Variants in RAB10 observed in about 807,000 individuals in gnomAD.
RAB10 encodes the protein ras-related protein Rab-10.
Under a neutral mutation model 25.7 loss-of-function variants are expected in RAB10, and 5 were observed. That is an observed-to-expected ratio of 0.19 (90% confidence interval 0.10 to 0.41). RAB10 has a LOEUF of 0.41. Among genes scored for constraint, RAB10 ranks in the 10% least tolerant of loss-of-function variants. The pLI is 1.00. For synonymous variants in RAB10, 89 were observed against 86.4 expected (o/e 1.03, Z -0.16); for missense variants, 103 against 245.8 (o/e 0.42, Z 3.89).
chr2:26,093,268 G>A (rs1667146847), intron 1 of RAB10, among the ~76,000 whole-genome samples: 1 of 151,988 alleles, frequency 6.6e-6, no homozygotes, highest in Non-Finnish European at 1.5e-5. Context: ...TTTTTCTTCC[G>A]TGGATCCCCA....
At chr2:26,092,834 A>G (rs1667137325) in intron 1 of RAB10, among the ~76,000 whole-genome samples, 1 of 152,166 alleles carries the variant, frequency 6.6e-6, no homozygotes, top group Non-Finnish European at 1.5e-5. Context: ...TCATTTTAGG[A>G]TGATTTTCTG....
intron 1 of RAB10, among the ~76,000 whole-genome samples, chr2:26,095,094 TA>T (rs1220180417): frequency 1.3e-5 from 2 of 152,232 alleles, no homozygotes; most frequent in African/African-American, 4.8e-5. Flanking sequence ...GATCATTTTT[TA>T]TGTATTCGGA....
At chr2:26,088,304 T>C (rs1428322074) in intron 1 of RAB10, among the ~76,000 whole-genome samples, 1 of 152,178 alleles carries the variant, frequency 6.6e-6, no homozygotes, top group Non-Finnish European at 1.5e-5. Flanking sequence ...ATACTGTTTT[T>C]CTCTTGAGCA....
intron 1 of RAB10, among the ~76,000 whole-genome samples, chr2:26,048,607 G>T (rs1666066735): frequency 6.6e-6 from 1 of 152,130 alleles, no homozygotes; most frequent in South Asian, 2.1e-4. Context: ...TTCTAGTCTT[G>T]ACCAGGTGCA....
chr2:26,033,340 C>T (rs1665672891), upstream of RAB10, among the ~76,000 whole-genome samples: 1 of 152,230 alleles, frequency 6.6e-6, no homozygotes, highest in South Asian at 2.1e-4. Context: ...CAGAACCCTC[C>T]ACTTCGCAGG....
intron 1 of RAB10, among the ~76,000 whole-genome samples, chr2:26,066,505 T>G (rs189681208): frequency 3.0e-4 from 46 of 152,268 alleles, no homozygotes; most frequent in Middle Eastern, 3.4e-3. Flanking sequence ...AAAAGAGGTT[T>G]GATTGACTCA....
chr2:26,049,186 CTTTT>C (rs1314869793), intron 1 of RAB10, among the ~76,000 whole-genome samples: 5 of 125,450 alleles, frequency 4.0e-5, no homozygotes, highest in East Asian at 2.3e-4. Flanking sequence ...TGGAGGTCGA[CTTTT>C]TTTTTTTTTT....
upstream of RAB10, among the ~76,000 whole-genome samples, chr2:26,033,780 C>G (rs1327525444): frequency 1.7e-5 from 2 of 119,202 alleles, no homozygotes; most frequent in Non-Finnish European, 3.8e-5. Flanking sequence ...GAGCGGGGAG[C>G]GGGAGGCGGG....
chr2:26,118,426 A>G (rs1667737468), intron 3 of RAB10, among the ~76,000 whole-genome samples: 1 of 151,958 alleles, frequency 6.6e-6, no homozygotes, highest in South Asian at 2.1e-4. Context: ...TGCTTTAAAA[A>G]AAAACAAAGG....
At chr2:26,045,461 G>A (rs556773040) in intron 1 of RAB10, among the ~76,000 whole-genome samples, 4 of 151,640 alleles carry the variant, frequency 2.6e-5, no homozygotes, top group Non-Finnish European at 5.9e-5. Context: ...GGATGGTCTC[G>A]ATCTCCTGAC....
intron 1 of RAB10, among the ~76,000 whole-genome samples, chr2:26,053,872 A>G (rs1169852123): frequency 6.6e-6 from 1 of 151,244 alleles, no homozygotes; most frequent in Admixed American, 6.6e-5. Context: ...GGCGTGTGCC[A>G]CCACGCCCAG....
intron 1 of RAB10, among the ~76,000 whole-genome samples, chr2:26,051,070 T>C (rs1438939600): frequency 6.6e-6 from 1 of 151,982 alleles, no homozygotes; most frequent in Non-Finnish European, 1.5e-5. Flanking sequence ...CCTAAGTAGC[T>C]AGGACTACAG....
chr2:26,119,091 T>C (rs1442728453), intron 3 of RAB10, among the ~76,000 whole-genome samples: 2 of 152,172 alleles, frequency 1.3e-5, no homozygotes, highest in Non-Finnish European at 2.9e-5. Flanking sequence ...TTGCTGCTTA[T>C]TGTTAGTAAG....
At chr2:26,059,728 T>C (rs1007105796) in intron 1 of RAB10, among the ~76,000 whole-genome samples, 1 of 152,174 alleles carries the variant, frequency 6.6e-6, no homozygotes, top group Non-Finnish European at 1.5e-5. Context: ...ACAACTTAAC[T>C]GTCCATCGGT....
At chr2:26,048,436 T>A (rs1406317933) in intron 1 of RAB10, among the ~76,000 whole-genome samples, 1 of 152,228 alleles carries the variant, frequency 6.6e-6, no homozygotes, top group African/African-American at 2.4e-5. Context: ...AATCTCATTG[T>A]GGTTTTTAAT....
At chr2:26,072,393 C>T (rs937716710) in intron 1 of RAB10, among the ~76,000 whole-genome samples, 31 of 151,458 alleles carry the variant, frequency 2.0e-4, no homozygotes, top group Non-Finnish European at 3.0e-4. Flanking sequence ...TCCAGCCTGG[C>T]GACAGAGTGA....
chr2:26,104,802 A>G (rs937809157), intron 2 of RAB10, among the ~76,000 whole-genome samples: 2 of 144,670 alleles, frequency 1.4e-5, no homozygotes, highest in African/African-American at 5.2e-5. Flanking sequence ...CAGTGGCGCT[A>G]TCTCGGCTCA....
At chr2:26,070,185 T>C (rs1269644941) in intron 1 of RAB10, among the ~76,000 whole-genome samples, 3 of 152,252 alleles carry the variant, frequency 2.0e-5, no homozygotes, top group East Asian at 1.9e-4. Context: ...GATGTGGCCT[T>C]CTTGGCCTCA....
rs539041660 is a variant in RAB10, at chr2:26,114,606, A to G, written c.327+4700A>G. Among the ~76,000 whole-genome samples, 64 of 152,218 alleles carry G rather than the reference A, an allele frequency of 4.2e-4. 2 individuals are homozygous for G. In the South Asian group the frequency reaches 0.013, roughly 30 times the overall value. The stretch of plus-strand genomic sequence containing the variant: ...GAAAAGTTAACTCAAAATGGACCAC[A>G]AAGGTTGGGTATGGTGACCCACACC... On this transcript the variant is annotated intron_variant, in intron 3 of 5. Coordinates refer to ENST00000264710, the MANE Select transcript of RAB10 (RefSeq NM_016131.5).
Sources: allele counts gnomAD v4.1 joint callset (sites outside exome capture counted in the v4.1 genomes callset), GRCh38; gene constraint gnomAD v4.1.1; transcripts MANE v1.5; gene names NCBI Gene and HGNC (gene_info 2026-07-23, HGNC 2026-07-21).